CNTNAP2: variants seen among roughly 807,000 people sequenced by gnomAD.
The protein encoded by CNTNAP2 is contactin-associated protein-like 2.
Under a neutral mutation model 155.2 loss-of-function variants are expected in CNTNAP2, and 98 were observed. The observed-to-expected ratio is 0.63, with a 90% CI of 0.54 to 0.75. CNTNAP2 has a LOEUF of 0.75. Ranked by LOEUF, CNTNAP2 falls within the 30% of genes least tolerant of loss-of-function variation. The pLI, the probability that CNTNAP2 is intolerant of heterozygous loss-of-function variation, is 0.00. For synonymous variants in CNTNAP2, 651 were observed against 631.2 expected (o/e 1.03, Z -0.47); for missense variants, 1,727 against 1,688.1 (o/e 1.02, Z -0.40).
chr7:148,132,530 A>G (rs767219782), intron 16 of CNTNAP2, among the ~76,000 whole-genome samples: 5 of 152,196 alleles, frequency 3.3e-5, no homozygotes, highest in Non-Finnish European at 5.9e-5. Context: ...AGCTAACCGT[A>G]AAGAGCTCTG....
intron 15 of CNTNAP2, among the ~76,000 whole-genome samples, chr7:148,069,773 A>G (rs1001566444): frequency 1.1e-4 from 16 of 151,844 alleles, no homozygotes; most frequent in South Asian, 2.1e-4. Flanking sequence ...AAAAAAAAAA[A>G]AAAGAAAGAA....
intron 5 of CNTNAP2, among the ~76,000 whole-genome samples, chr7:147,120,297 A>C (rs1801076246): frequency 6.6e-6 from 1 of 152,154 alleles, no homozygotes; most frequent in Non-Finnish European, 1.5e-5. Context: ...AACTCATTGA[A>C]TCCTCATGCA....
At position 147,310,151 on chromosome 7, in the gene CNTNAP2, G is replaced by C. The variant is rs529002246; in HGVS notation, c.1498+9861G>C. 3.9e-5 allele frequency among the ~76,000 whole-genome samples: 6 copies of C among 152,128 alleles called. No individual in the cohort carries two copies. In the South Asian group the frequency reaches 1.2e-3, roughly 32 times the overall value. On this transcript the variant is annotated intron_variant, in intron 9 of 23. Transcript: ENST00000361727. ...AGCTCCCACAAGTAAAATTTGATTA[G>C]AGCTATGTTTTAAACTAATTATCAT...
intron 8 of CNTNAP2, among the ~76,000 whole-genome samples, chr7:147,185,515 AT>A: frequency 6.6e-6 from 1 of 152,214 alleles, no homozygotes; most frequent in East Asian, 1.9e-4. Context: ...AGAATGCTAA[AT>A]AAATTATGGA....
chr7:147,883,791 G>T (rs898765337), intron 13 of CNTNAP2, among the ~76,000 whole-genome samples: 20 of 152,042 alleles, frequency 1.3e-4, no homozygotes, highest in Admixed American at 1.2e-3. Context: ...TATGAAAAAA[G>T]AAATAGAATA....
chr7:146,555,496 GTCTATCTATCTATCTATCTA>G (rs200118562), intron 1 of CNTNAP2, among the ~76,000 whole-genome samples: 1 of 52,354 alleles, frequency 1.9e-5, no homozygotes, highest in African/African-American at 8.4e-5. Context: ...TCATCTGTCT[GTCTATCTATCTATCTATCTA>G]TCTATCTATC....
chr7:148,303,345 C>T (rs1797428654), intron 21 of CNTNAP2, among the ~76,000 whole-genome samples: 1 of 152,168 alleles, frequency 6.6e-6, no homozygotes, highest in South Asian at 2.1e-4. Flanking sequence ...GCTCAGTAAG[C>T]ACCTGCTGAA....
At chr7:147,414,502 T>C (rs549481488) in intron 10 of CNTNAP2, among the ~76,000 whole-genome samples, 1 of 151,938 alleles carries the variant, frequency 6.6e-6, no homozygotes, top group Non-Finnish European at 1.5e-5. Context: ...AGTTGTTTGA[T>C]ACTTATTGAC....
At chr7:147,520,187 T>C (rs979751693) in intron 11 of CNTNAP2, among the ~76,000 whole-genome samples, 1 of 152,170 alleles carries the variant, frequency 6.6e-6, no homozygotes, top group Non-Finnish European at 1.5e-5. Flanking sequence ...ACACGAATAC[T>C]TGGCAGCCAA....
At chr7:146,330,606 T>G (rs1801169272) in intron 1 of CNTNAP2, among the ~76,000 whole-genome samples, 1 of 152,218 alleles carries the variant, frequency 6.6e-6, no homozygotes, top group Non-Finnish European at 1.5e-5. Context: ...TTTCTCATAC[T>G]TCAATGAAGG....
chr7:146,987,075 C>T (rs963784065), intron 3 of CNTNAP2, among the ~76,000 whole-genome samples: 1 of 152,130 alleles, frequency 6.6e-6, no homozygotes, highest in African/African-American at 2.4e-5. Flanking sequence ...ACCTGGAACA[C>T]AGGCAAAGCT....
intron 13 of CNTNAP2, among the ~76,000 whole-genome samples, chr7:147,836,931 C>T (rs1798643413): frequency 6.6e-6 from 1 of 152,118 alleles, no homozygotes; most frequent in Non-Finnish European, 1.5e-5. Flanking sequence ...CTCTGAGTTT[C>T]TAAATGAATT....
intron 16 of CNTNAP2, among the ~76,000 whole-genome samples, chr7:148,137,738 T>C (rs1804990031): frequency 7.3e-6 from 1 of 136,616 alleles, no homozygotes; most frequent in Non-Finnish European, 1.6e-5. Context: ...GGAAGGAAGG[T>C]TCTCCTTTCC....
intron 20 of CNTNAP2, among the ~76,000 whole-genome samples, chr7:148,237,256 G>A (rs928416946): frequency 1.9e-4 from 29 of 152,094 alleles, no homozygotes; most frequent in African/African-American, 6.5e-4. Context: ...CCACATAATA[G>A]TAAAATGATT....
intron 1 of CNTNAP2, among the ~76,000 whole-genome samples, chr7:146,337,076 T>A (rs1801289103): frequency 6.6e-6 from 1 of 152,204 alleles, no homozygotes; most frequent in Admixed American, 6.5e-5. Context: ...GTTTAAATAG[T>A]GTGCTATAGT....
At chr7:147,275,325 A>G (rs1804871047) in intron 8 of CNTNAP2, among the ~76,000 whole-genome samples, 1 of 151,534 alleles carries the variant, frequency 6.6e-6, no homozygotes, top group African/African-American at 2.4e-5. Context: ...TTTGTCTTCT[A>G]TGGTTTCTTT....
intron 4 of CNTNAP2, among the ~76,000 whole-genome samples, chr7:147,075,285 T>A (rs1209077655): frequency 1.3e-5 from 2 of 152,200 alleles, no homozygotes; most frequent in Admixed American, 6.5e-5. Flanking sequence ...AGTATCCTAT[T>A]CTTATGTGTC....
At chr7:147,828,045 C>T (rs1272349207) in intron 13 of CNTNAP2, among the ~76,000 whole-genome samples, 1 of 152,056 alleles carries the variant, frequency 6.6e-6, no homozygotes, top group Non-Finnish European at 1.5e-5. Flanking sequence ...TCGTTTAAAA[C>T]ATGATTTTCT....
intron 1 of CNTNAP2, among the ~76,000 whole-genome samples, chr7:146,446,002 A>T (rs950137932): frequency 1.3e-5 from 2 of 152,100 alleles, no homozygotes; most frequent in East Asian, 1.9e-4. Context: ...TTGCTTCTTG[A>T]TGGTTGGTAC....
Sources: allele counts gnomAD v4.1 joint callset (sites outside exome capture counted in the v4.1 genomes callset), GRCh38; gene constraint gnomAD v4.1.1; transcripts MANE v1.5; gene names NCBI Gene and HGNC (gene_info 2026-07-23, HGNC 2026-07-21).